Variants in ADAM12 observed in about 807,000 individuals in gnomAD.
ADAM12 encodes ADAM metallopeptidase domain 12.
Under a neutral mutation model 106.4 loss-of-function variants are expected in ADAM12, and 70 were observed. The ratio of observed to expected loss-of-function variants is 0.66; its 90% confidence interval spans 0.54 to 0.80. ADAM12 has a LOEUF of 0.80. ADAM12 is among the 30% of genes least tolerant of loss of function. The probability of loss-of-function intolerance (pLI) is 0.00; values close to 1 mark genes in which losing one functional copy is unlikely to be tolerated. For missense variants in ADAM12, 1,010 were observed against 1,171.9 expected (o/e 0.86, Z 2.02); for synonymous variants, 420 against 433.5 (o/e 0.97, Z 0.39).
chr10:126,173,193 C>G (rs1476333894), intron 3 of ADAM12, among the ~76,000 whole-genome samples: 2 of 152,094 alleles, frequency 1.3e-5, no homozygotes, highest in African/African-American at 4.8e-5. Context: ...CACCATGGCA[C>G]GTGTATACCT....
chr10:126,123,600 G>A (rs1016579189), intron 5 of ADAM12, among the ~76,000 whole-genome samples: 15 of 152,106 alleles, frequency 9.9e-5, no homozygotes, highest in East Asian at 1.9e-4. Context: ...TCTGGGCTGC[G>A]CTCCGTACAC....
intron 3 of ADAM12, among the ~76,000 whole-genome samples, chr10:126,261,793 G>A (rs1959005558): frequency 1.5e-5 from 2 of 137,856 alleles, no homozygotes; most frequent in African/African-American, 2.6e-5. Flanking sequence ...AATAAGGATG[G>A]ATGGATAGTA....
intron 22 of ADAM12, among the ~76,000 whole-genome samples, chr10:126,018,826 C>T (rs1445535210): frequency 6.6e-6 from 1 of 152,164 alleles, no homozygotes; most frequent in Non-Finnish European, 1.5e-5. Flanking sequence ...CCTGTTTTCC[C>T]AGTGTCCTGC....
At chr10:126,338,049 T>C (rs7083676) in intron 1 of ADAM12, among the ~76,000 whole-genome samples, 2,326 of 152,252 alleles carry the variant, frequency 0.015, 49 homozygotes, top group African/African-American at 0.051. Flanking sequence ...TCAAGTGCTA[T>C]GGAACAATTA....
chr10:126,318,648 A>C (rs1824882645), intron 2 of ADAM12, among the ~76,000 whole-genome samples: 1 of 152,340 alleles, frequency 6.6e-6, no homozygotes, highest in African/African-American at 2.4e-5. Context: ...CACAGGAGCC[A>C]GTGAAAAGAA....
At chr10:126,187,328 A>C (rs1394976470) in intron 3 of ADAM12, among the ~76,000 whole-genome samples, 1 of 151,582 alleles carries the variant, frequency 6.6e-6, no homozygotes, top group Non-Finnish European at 1.5e-5. Flanking sequence ...AAATGAAATA[A>C]AAAAAAAACA....
chr10:126,276,235 G>A (rs1290551474), intron 3 of ADAM12, among the ~76,000 whole-genome samples: 2 of 152,268 alleles, frequency 1.3e-5, no homozygotes, highest in African/African-American at 4.8e-5. Context: ...TGTTCATCCT[G>A]ATTGATCAGG....
intron 3 of ADAM12, among the ~76,000 whole-genome samples, chr10:126,168,718 A>T (rs1957068119): frequency 6.6e-6 from 1 of 152,152 alleles, no homozygotes; most frequent in South Asian, 2.1e-4. Flanking sequence ...TCCACTTAAA[A>T]CACTGCACTG....
intron 22 of ADAM12, among the ~76,000 whole-genome samples, 193 bp downstream of exon 22, chr10:126,019,502 G>T (rs1303400351): frequency 6.6e-6 from 1 of 152,178 alleles, no homozygotes; most frequent in African/African-American, 2.4e-5. Flanking sequence ...GTGTGCCAAT[G>T]CCTGTGATTA....
chr10:126,214,620 C>A (rs1003653821), intron 3 of ADAM12, among the ~76,000 whole-genome samples: 1 of 152,104 alleles, frequency 6.6e-6, no homozygotes, highest in Non-Finnish European at 1.5e-5. Context: ...ATTGACAGTA[C>A]CCTTTTGCAG....
intron 3 of ADAM12, among the ~76,000 whole-genome samples, chr10:126,203,453 C>T (rs1957737617): frequency 6.6e-6 from 1 of 152,002 alleles, no homozygotes. Flanking sequence ...AATGGAGGTG[C>T]TTCAGCCAAG....
intron 2 of ADAM12, among the ~76,000 whole-genome samples, chr10:126,327,060 G>T (rs940975630): frequency 3.3e-5 from 5 of 152,154 alleles, no homozygotes; most frequent in African/African-American, 4.8e-5. Context: ...AGGTCACAGG[G>T]GTGGCCCCAT....
At chr10:126,040,761 C>T (rs1954147112) in intron 18 of ADAM12, among the ~76,000 whole-genome samples, 1 of 152,088 alleles carries the variant, frequency 6.6e-6, no homozygotes, top group Non-Finnish European at 1.5e-5. Flanking sequence ...TTTCTAGTTC[C>T]ATAAAGTGAA....
intron 3 of ADAM12, among the ~76,000 whole-genome samples, chr10:126,267,526 G>A (rs1433930801): frequency 6.6e-6 from 1 of 152,152 alleles, no homozygotes; most frequent in Admixed American, 6.5e-5. Context: ...TTCTCATAAG[G>A]AGCAGGCAGC....
At chr10:126,318,468 TCA>T (rs1012393138) in intron 2 of ADAM12, among the ~76,000 whole-genome samples, 26 of 151,320 alleles carry the variant, frequency 1.7e-4, no homozygotes, top group African/African-American at 5.1e-4. Context: ...GCAGTGACAT[TCA>T]CACTCACACA....
At position 126,296,459 on chromosome 10, in the gene ADAM12, G is replaced by A. The variant is rs1363044529; in HGVS notation, c.187-17471C>T. On this transcript the variant is annotated intron_variant, in intron 2 of 22. Coordinates refer to ENST00000448723, the MANE Select transcript of ADAM12 (RefSeq NM_001288973.2). ...CTTTTAAATATTTTTAAATGTAGTC[G>A]AGAAGAACAATCTTTTCAAAGTCAT... Among the ~76,000 whole-genome samples, 4 of 152,050 alleles carry A rather than the reference G, an allele frequency of 2.6e-5. No individual in the cohort carries two copies. In the East Asian group the frequency reaches 5.8e-4, roughly 22 times the overall value.
intron 3 of ADAM12, among the ~76,000 whole-genome samples, chr10:126,158,547 T>G (rs1590525298): frequency 3.0e-5 from 2 of 66,828 alleles, no homozygotes; most frequent in African/African-American, 5.5e-5. Flanking sequence ...ACGGGGAGGA[T>G]GCACAGAGCA....
intron 10 of ADAM12, among the ~76,000 whole-genome samples, chr10:126,095,710 T>A (rs1168557711): frequency 6.6e-6 from 1 of 152,008 alleles, no homozygotes; most frequent in South Asian, 2.1e-4. Flanking sequence ...CCCCTTGCCA[T>A]GTGATCCCCC....
chr10:126,149,778 T>G (rs1267736157), intron 4 of ADAM12, among the ~76,000 whole-genome samples: 2 of 152,190 alleles, frequency 1.3e-5, no homozygotes, highest in East Asian at 3.9e-4. Context: ...TTCTCGGGCC[T>G]TCAGCCACAG....
Sources: allele counts gnomAD v4.1 joint callset (sites outside exome capture counted in the v4.1 genomes callset), GRCh38; gene constraint gnomAD v4.1.1; transcripts MANE v1.5; gene names NCBI Gene and HGNC (gene_info 2026-07-23, HGNC 2026-07-21).